The following ASPHD2 variants were observed in gnomAD, a reference collection of about 807,000 sequenced individuals.
The protein encoded by ASPHD2 is aspartate beta-hydroxylase domain-containing protein 2.
A neutral mutation model predicts 34.6 loss-of-function variants in ASPHD2; 12 were observed. That is an observed-to-expected ratio of 0.35 (90% CI 0.22 to 0.56). ASPHD2 has a LOEUF of 0.56. Among genes scored for constraint, ASPHD2 ranks in the 20% least tolerant of loss-of-function variants. The pLI, the probability that ASPHD2 is intolerant of heterozygous loss-of-function variation, is 0.87. For missense variants in ASPHD2, 375 were observed against 505.0 expected, an observed-to-expected ratio of 0.74 and a Z score of 2.47; for synonymous variants, 224 against 212.2, an observed-to-expected ratio of 1.06 and a Z score of -0.48.
chr22:26,433,534 C>A lies in ASPHD2; in HGVS notation c.-82C>A. The A allele has an allele frequency of 1.9e-6, 2 of 1,062,490 alleles. No homozygotes were observed. Among genetic ancestry groups the A allele is most frequent in the Non-Finnish European group, 2.8e-6 (2 of 724,640 alleles). 65.8% of individuals were successfully genotyped at this position (1,062,490 alleles called of 1,614,324 possible). The stretch of plus-strand genomic sequence containing the variant: ...CGGCCAACCTTGTCGTTCATCAATG[C>A]CGCCCCTGGCAGTATCTGAGGATCG... On this transcript the variant is annotated 5_prime_UTR_variant, in exon 2 of 4. Coordinates refer to ENST00000215906, the MANE Select transcript of ASPHD2 (RefSeq NM_020437.5). The surrounding 1 kb of genome is among the most constrained non-coding windows in gnomAD (Gnocchi z 5.1).
Position 26,438,674 on chromosome 22 carries a change from T to TACAC in ASPHD2, c.887-3782_887-3781insCACA, listed in dbSNP as rs545259150. Among the ~76,000 whole-genome samples, 89 of 122,562 alleles carry TACAC rather than the reference T, an allele frequency of 7.3e-4. 2 individuals are homozygous for TACAC. Among genetic ancestry groups the TACAC allele is most frequent in the Admixed American group, 3.7e-3 (46 of 12,538 alleles). The allele number at this position is 122,562 out of a possible 152,430, so 80.4% of individuals were successfully genotyped here. A position where few individuals can be genotyped will look rare whatever the true frequency, so the allele number is the denominator to read the frequency against. On this transcript the variant is annotated intron_variant, in intron 2 of 3. Transcript: ENST00000215906. ...ATACATATATATATATACACATACA[T>TACAC]ACATACACACACACACACACATATA...
At position 26,442,553 on chromosome 22, in the gene ASPHD2, G is replaced by GCA; in HGVS notation, c.982_983dup (p.Ala329MetfsTer128). 1 of 1,607,846 alleles carries GCA rather than the reference G, an allele frequency of 6.2e-7. No individual in the cohort carries two copies. The highest frequency in any genetic ancestry group is 8.5e-7 in the Non-Finnish European group (1 of 1,176,326). On this transcript the variant is annotated frameshift_variant, in exon 3 of 4. Transcript: ENST00000215906. LOFTEE classifies it high-confidence loss of function. ...GCCTTCTCTTTGATGACTCTTTCCT[G>GCA]CATGCTGCGTTCCATGAAGGTGAGT...
chr22:26,437,612 A>G (rs886147557), intron 2 of ASPHD2, among the ~76,000 whole-genome samples: 2 of 152,156 alleles, frequency 1.3e-5, no homozygotes, highest in African/African-American at 4.8e-5. Flanking sequence ...AAAATGCATG[A>G]ATATGTTCAG....
At position 26,438,664 on chromosome 22, in the gene ASPHD2, T is replaced by TAC. The variant is rs1279396555; in HGVS notation, c.887-3791_887-3790dup. Among the ~76,000 whole-genome samples, 396 of 113,736 alleles carry TAC rather than the reference T, an allele frequency of 3.5e-3. 6 individuals are homozygous for TAC. Among genetic ancestry groups the TAC allele is most frequent in the Admixed American group, 5.0e-3 (58 of 11,644 alleles). The allele number at this position is 113,736 out of a possible 152,430, so 74.6% of individuals were successfully genotyped here. ...ATATATACACATACATATATATATA[T>TAC]ACACATACATACATACACACACACA... On this transcript the variant is annotated intron_variant, in intron 2 of 3. Coordinates refer to ENST00000215906, the MANE Select transcript of ASPHD2 (RefSeq NM_020437.5).
At position 26,438,592 on chromosome 22, in the gene ASPHD2, T is replaced by TACAC. The variant is rs1463428834; in HGVS notation, c.887-3866_887-3865insCACA. 6.5e-5 allele frequency among the ~76,000 whole-genome samples: 9 copies of TACAC among 138,426 alleles called. No individual in the cohort carries two copies. In the East Asian group the frequency reaches 1.2e-3, roughly 18 times the overall value. The allele number at this position is 138,426 out of a possible 152,430, so 90.8% of individuals were successfully genotyped here. ...ACATACATATATATACATACATATA[T>TACAC]ATACACACATATATACATATATATA... is the stretch of plus-strand genomic sequence containing the variant. On this transcript the variant is annotated intron_variant, in intron 2 of 3. Coordinates refer to ENST00000215906, the MANE Select transcript of ASPHD2 (RefSeq NM_020437.5).
At position 26,443,123 on chromosome 22, in the gene ASPHD2, G is replaced by A; in HGVS notation, c.1027G>A (p.Val343Ile). Residue 343 changes from valine to isoleucine, a missense_variant, in exon 4 of 4, where the codon GTT becomes ATT. This residue lies in a region of ASPHD2 where 142 missense variants were observed against 217.9 expected (regional missense o/e 0.65). Coordinates refer to ENST00000215906, the MANE Select transcript of ASPHD2 (RefSeq NM_020437.5). Reference protein sequence around the residue: ...EGSAEDGPRVVFMVDLWHPNV... With the variant: ...EGSAEDGPRVIFMVDLWHPNV... ...TTCAGCAGAGGATGGCCCACGGGTGGTTTTCATGGTGGATTTGTGGCATCC... is the reference window on the plus strand; with the variant it reads ...TTCAGCAGAGGATGGCCCACGGGTGATTTTCATGGTGGATTTGTGGCATCC... The A allele has an allele frequency of 3.1e-6, 5 of 1,614,166 alleles. No individual in the cohort carries two copies. Among genetic ancestry groups the A allele is most frequent in the Non-Finnish European group, 4.2e-6 (5 of 1,180,016 alleles).
At chr22:26,437,173 G>C (rs1336132018) in intron 2 of ASPHD2, among the ~76,000 whole-genome samples, 1 of 152,200 alleles carries the variant, frequency 6.6e-6, no homozygotes, top group Non-Finnish European at 1.5e-5. Flanking sequence ...CAGAGAATGA[G>C]GTCAGAAGCA....
rs2084745574 is a variant in ASPHD2, at chr22:26,429,764, T to C, written c.-225+278T>C. On this transcript the variant is annotated intron_variant, in intron 1 of 3. Coordinates refer to ENST00000215906, the MANE Select transcript of ASPHD2 (RefSeq NM_020437.5). This position sits in a 1 kb window ranked among gnomAD's most constrained non-coding sequence, Gnocchi z 4.5. ...CCTACTCCTCTTCCCTGCCCCATCG[T>C]GGTCCCTTCCTCCATCTCCCTTCTC... is the stretch of plus-strand genomic sequence containing the variant. 6.6e-6 allele frequency among the ~76,000 whole-genome samples: 1 copy of C among 152,038 alleles called. No homozygotes were observed. Among genetic ancestry groups the C allele is most frequent in the Non-Finnish European group, 1.5e-5 (1 of 67,946 alleles).
At position 26,442,986 on chromosome 22, in the gene ASPHD2, G is replaced by C. The variant is rs1478629697; in HGVS notation, c.1001-111G>C. 16 of 781,614 alleles carry C rather than the reference G, an allele frequency of 2.0e-5. No homozygotes were observed. In the East Asian group the frequency reaches 3.9e-4, roughly 19 times the overall value. 48.4% of individuals were successfully genotyped at this position (781,614 alleles called of 1,614,324 possible). On this transcript the variant is annotated intron_variant, in intron 3 of 3. Transcript: ENST00000215906. ...TGGTCCGATCCGAGCCGAGGGACAGGATGGGGTCCCTGCCCCGAAGCTGAG... is the reference window on the plus strand; with the variant it reads ...TGGTCCGATCCGAGCCGAGGGACAGCATGGGGTCCCTGCCCCGAAGCTGAG...
intron 2 of ASPHD2, among the ~76,000 whole-genome samples, chr22:26,438,646 C>CACACATATATATACATATATATATAT (rs1555883337): frequency 1.4e-3 from 86 of 59,898 alleles, no homozygotes; most frequent in Admixed American, 7.0e-3. Flanking sequence ...TATATATATA[C>CACACATATATATACATATATATATAT]ACATACATAT....
Position 26,443,369 on chromosome 22 carries a change from G to T in ASPHD2, c.*163G>T. The T allele has an allele frequency of 3.4e-6, 2 of 589,742 alleles. No homozygotes were observed. The highest frequency in any genetic ancestry group is 2.1e-5 in the South Asian group (1 of 47,444). 36.5% of individuals were successfully genotyped at this position (589,742 alleles called of 1,614,324 possible). Reference sequence around the variant, plus strand: ...ATCATGTCGGGTCCCTCTTTCCCTTGGTTATTGTAAATGGAAACTTTTCGG... The same window carrying T: ...ATCATGTCGGGTCCCTCTTTCCCTTTGTTATTGTAAATGGAAACTTTTCGG... On this transcript the variant is annotated 3_prime_UTR_variant, in exon 4 of 4. Transcript: ENST00000215906.
intron 2 of ASPHD2, among the ~76,000 whole-genome samples, chr22:26,437,185 G>T (rs990792926): frequency 1.3e-5 from 2 of 152,180 alleles, no homozygotes; most frequent in African/African-American, 4.8e-5. Flanking sequence ...TCAGAAGCAG[G>T]ATAAGCCTGG....
chr22:26,443,197 G>A lies in ASPHD2; in HGVS notation c.1101G>A (p.Pro367=), dbSNP rs377666159. The change falls in exon 4 of 4, where the codon CCG becomes CCA. Residue 367 remains proline, a synonymous_variant. Transcript: ENST00000215906. ...AGGCTCTTGATTTCATCTTTGCTCC[G>A]GGACGATGAGAGTATTTCCCATGCT... is the stretch of plus-strand genomic sequence containing the variant. ...ERQALDFIFA[P]GR 34 of 1,613,996 alleles carry A rather than the reference G, an allele frequency of 2.1e-5. No homozygotes were observed. The highest frequency in any genetic ancestry group is 4.0e-5 in the African/African-American group (3 of 74,994).
chr22:26,429,942 T>C lies in ASPHD2; in HGVS notation c.-225+456T>C, dbSNP rs2084746639. ...CACAATCTTGAGCTGATCGTCCACT[T>C]TTCCGGGCAACACTCACCTTTCCAT... On this transcript the variant is annotated intron_variant, in intron 1 of 3. Transcript: ENST00000215906. This position sits in a 1 kb window ranked among gnomAD's most constrained non-coding sequence, Gnocchi z 4.5. 6.6e-6 allele frequency among the ~76,000 whole-genome samples: 1 copy of C among 152,106 alleles called. No individual in the cohort carries two copies. Among genetic ancestry groups the C allele is most frequent in the Admixed American group, 6.5e-5 (1 of 15,280 alleles).
Position 26,429,539 on chromosome 22 carries a change from G to T in ASPHD2, c.-225+53G>T. ...GGCGGGAGGGCGGCGCGGCTGGGCC[G>T]ACCCCAGGACAGGGGTTGGAGGCGG... On this transcript the variant is annotated intron_variant, in intron 1 of 3. Coordinates refer to ENST00000215906, the MANE Select transcript of ASPHD2 (RefSeq NM_020437.5). The surrounding 1 kb of genome is among the most constrained non-coding windows in gnomAD (Gnocchi z 4.5). 6.6e-6 allele frequency: 1 copy of T among 151,518 alleles called. No homozygotes were observed. The highest frequency in any genetic ancestry group is 1.9e-4 in the South Asian group (1 of 5,258). The allele number at this position is 151,518 out of a possible 1,614,324, so 9.4% of individuals were successfully genotyped here.
chr22:26,436,841 CATGTGT>C (rs1331814277), intron 2 of ASPHD2, among the ~76,000 whole-genome samples: 13 of 108,438 alleles, frequency 1.2e-4, no homozygotes, highest in African/African-American at 4.5e-4. Flanking sequence ...GATATGCATG[CATGTGT>C]GTGTGTGTGT....
Position 26,434,143 on chromosome 22 carries a change from G to A in ASPHD2, c.528G>A (p.Thr176=), listed in dbSNP as rs750924865. ...TCTTCCTGCCCGACCTGCCCACCACGCCCTATTTCTCCCGGGACGCACAGA... is the reference window on the plus strand; with the variant it reads ...TCTTCCTGCCCGACCTGCCCACCACACCCTATTTCTCCCGGGACGCACAGA... ...EVFFLPDLPT[T]PYFSRDAQKH... is the part of the protein sequence containing the mutation. The change falls in exon 2 of 4, where the codon ACG becomes ACA. Residue 176 remains threonine (T), a synonymous_variant. Coordinates refer to ENST00000215906, the MANE Select transcript of ASPHD2 (RefSeq NM_020437.5). The A allele has an allele frequency of 3.1e-6, 5 of 1,611,924 alleles. No individual in the cohort carries two copies. In the South Asian group the frequency reaches 4.4e-5, roughly 14 times the overall value.
At chr22:26,436,717 G>A (rs1193934210) in intron 2 of ASPHD2, among the ~76,000 whole-genome samples, 1 of 152,208 alleles carries the variant, frequency 6.6e-6, no homozygotes, top group Non-Finnish European at 1.5e-5. Flanking sequence ...TCTGGGGAAG[G>A]GCATTTGAGG....
In ASPHD2 at chr22:26,443,803, G is replaced by A. The variant is rs2084880427; in HGVS notation, c.*597G>A. The A allele has an allele frequency of 6.6e-6, 1 of 152,276 alleles. No individual in the cohort carries two copies. Among genetic ancestry groups the A allele is most frequent in the African/African-American group, 2.4e-5 (1 of 41,450 alleles). 9.4% of individuals were successfully genotyped at this position (152,276 alleles called of 1,614,324 possible). A position where few individuals can be genotyped will look rare whatever the true frequency, so the allele number is the denominator to read the frequency against. ...AGACACAGTCAGGGTGGCACACAGT[G>A]TCCAGGCCCAGGGATACTGTCACCA... On this transcript the variant is annotated 3_prime_UTR_variant, in exon 4 of 4. Coordinates refer to ENST00000215906, the MANE Select transcript of ASPHD2 (RefSeq NM_020437.5).
Sources: allele counts gnomAD v4.1 joint callset (sites outside exome capture counted in the v4.1 genomes callset), GRCh38; gene constraint gnomAD v4.1.1; regional missense constraint gnomAD v4.1.1; non-coding constraint Gnocchi (gnomAD v3.1); transcripts MANE v1.5; gene names NCBI Gene and HGNC (gene_info 2026-07-23, HGNC 2026-07-21).